The following ALKBH8 variants were observed in gnomAD, a reference collection of about 807,000 sequenced individuals.
The protein encoded by ALKBH8 is alkB homolog 8, tRNA methyltransferase.
Under a neutral mutation model 59.8 loss-of-function variants are expected in ALKBH8, and 36 were observed. The ratio of observed to expected loss-of-function variants is 0.60; its 90% CI spans 0.46 to 0.79. ALKBH8 has a LOEUF of 0.79. ALKBH8 is among the 30% of genes least tolerant of loss of function. The probability of loss-of-function intolerance (pLI) is 0.00; values close to 1 mark genes in which losing one functional copy is unlikely to be tolerated. For missense variants in ALKBH8, 768 were observed against 801.0 expected, an observed-to-expected ratio of 0.96 and a Z score of 0.50; for synonymous variants, 276 against 273.6, an observed-to-expected ratio of 1.01 and a Z score of -0.09.
intron 11 of ALKBH8, 87 bp from the exon 12 acceptor site, chr11:107,505,302 G>A: frequency 4.1e-6 from 4 of 979,192 alleles, no homozygotes; most frequent in Admixed American, 3.0e-5. Flanking sequence ...TTTTCAATTA[G>A]GATGAACAAT....
chr11:107,514,763 C>G (rs1007600442), intron 10 of ALKBH8, among the ~76,000 whole-genome samples: 1 of 151,790 alleles, frequency 6.6e-6, no homozygotes, highest in Non-Finnish European at 1.5e-5. Flanking sequence ...AAGTATGCCC[C>G]AACTCTGAAA....
chr11:107,508,062 T>C (rs1334951412), intron 11 of ALKBH8, among the ~76,000 whole-genome samples: 1 of 152,016 alleles, frequency 6.6e-6, no homozygotes, highest in East Asian at 1.9e-4. Flanking sequence ...AATAAATAAA[T>C]AAATGCTGCC....
In ALKBH8 at chr11:107,552,893, G is replaced by A. The variant is rs74428417; in HGVS notation, c.595+215C>T. Among the ~76,000 whole-genome samples the A allele has an allele frequency of 8.7e-3, 1,329 of 152,218 alleles. 22 individuals carry two copies. Among genetic ancestry groups the A allele is most frequent in the African/African-American group, 0.031 (1,280 of 41,556 alleles). On this transcript the variant is annotated intron_variant, in intron 5 of 11. Transcript: ENST00000428149. ...CATTCAGTAAAATGAGAAGCAGCAT[G>A]GGAATAAGGATAATAATGATGAACT...
intron 8 of ALKBH8, among the ~76,000 whole-genome samples, chr11:107,527,383 C>T (rs596149): frequency 0.49 from 73,727 of 151,684 alleles, 18,737 homozygotes; most frequent in Non-Finnish European, 0.56. Flanking sequence ...TTGTTGATAC[C>T]TCTTTACTAT....
Position 107,565,657 on chromosome 11 carries a change from C to G in ALKBH8, c.-63G>C. On this transcript the variant is annotated 5_prime_UTR_variant, in exon 1 of 12. Coordinates refer to ENST00000428149, the MANE Select transcript of ALKBH8 (RefSeq NM_138775.3). ...TGCGTGTGCCTTCTTCTTTGCCAGC[C>G]TCTCCACTCTAGCACCAGAACACCG... 6.5e-7 allele frequency: 1 copy of G among 1,535,746 alleles called. No individual in the cohort carries two copies. Among genetic ancestry groups the G allele is most frequent in the Non-Finnish European group, 8.7e-7 (1 of 1,146,910 alleles).
At chr11:107,518,563 G>T (rs999655315) in intron 10 of ALKBH8, among the ~76,000 whole-genome samples, 1 of 152,226 alleles carries the variant, frequency 6.6e-6, no homozygotes, top group Non-Finnish European at 1.5e-5. Flanking sequence ...CACCTGGCCC[G>T]CCCAGGGCGG....
chr11:107,545,929 A>G (rs988684527), intron 7 of ALKBH8, among the ~76,000 whole-genome samples: 23 of 152,208 alleles, frequency 1.5e-4, no homozygotes, highest in Admixed American at 3.9e-4. Context: ...GAAGAGAAAA[A>G]TAAAGCAAAT....
At chr11:107,518,334 C>T (rs1043760922) in intron 10 of ALKBH8, among the ~76,000 whole-genome samples, 3 of 152,208 alleles carry the variant, frequency 2.0e-5, no homozygotes, top group Admixed American at 6.5e-5. Flanking sequence ...CTCACTCTGT[C>T]ACCCAGGCTG....
intron 11 of ALKBH8, among the ~76,000 whole-genome samples, chr11:107,508,190 T>G (rs1055749589): frequency 4.6e-5 from 7 of 151,284 alleles, no homozygotes; most frequent in Non-Finnish European, 8.8e-5. Flanking sequence ...TTTTTTTTTT[T>G]TGAGATGGAG....
At chr11:107,525,997 T>C (rs530229617) in intron 8 of ALKBH8, among the ~76,000 whole-genome samples, 1 of 152,124 alleles carries the variant, frequency 6.6e-6, no homozygotes, top group Non-Finnish European at 1.5e-5. Flanking sequence ...TTTTAAAAAT[T>C]AAAAATAACT....
intron 2 of ALKBH8, among the ~76,000 whole-genome samples, chr11:107,559,483 A>G (rs560425302): frequency 6.6e-6 from 1 of 151,914 alleles, no homozygotes; most frequent in Non-Finnish European, 1.5e-5. Flanking sequence ...CAAGCTTCAG[A>G]GGGGTCAAAG....
At chr11:107,528,563 C>T (rs1358374415) in intron 8 of ALKBH8, among the ~76,000 whole-genome samples, 1 of 152,164 alleles carries the variant, frequency 6.6e-6, no homozygotes, top group Non-Finnish European at 1.5e-5. Context: ...TATCTTGAAG[C>T]TCTTGTTAGC....
In ALKBH8 at chr11:107,504,330, T is replaced by A; in HGVS notation, c.*328A>T. On this transcript the variant is annotated 3_prime_UTR_variant, in exon 12 of 12. Transcript: ENST00000428149. ...ATCCCTAAAATCCTACATGATTTAC[T>A]ACATTTAGTAGCACTTTACTAAAAA... is the stretch of plus-strand genomic sequence containing the variant. 1 of 547,502 alleles carries A rather than the reference T, an allele frequency of 1.8e-6. No individual in the cohort carries two copies. Among genetic ancestry groups the A allele is most frequent in the South Asian group, 2.7e-5 (1 of 37,392 alleles). The allele number at this position is 547,502 out of a possible 1,614,324, so 33.9% of individuals were successfully genotyped here. A position where few individuals can be genotyped will look rare whatever the true frequency, so the allele number is the denominator to read the frequency against.
intron 11 of ALKBH8, 54 bp downstream of exon 11, chr11:107,510,833 C>T (rs1862590133): frequency 4.6e-6 from 7 of 1,524,786 alleles, no homozygotes; most frequent in African/African-American, 2.8e-5. Context: ...AATTCATGAA[C>T]TCTTCCTGCT....
intron 10 of ALKBH8, among the ~76,000 whole-genome samples, chr11:107,515,025 A>G (rs959607260): frequency 1.3e-5 from 2 of 152,176 alleles, no homozygotes; most frequent in Non-Finnish European, 2.9e-5. Flanking sequence ...TTTTAGCAAT[A>G]AAGCATCAGA....
chr11:107,553,966 T>A lies in ALKBH8; in HGVS notation c.380A>T (p.Glu127Val). 14 of 1,613,744 alleles carry A rather than the reference T, an allele frequency of 8.7e-6. No individual in the cohort carries two copies. Among genetic ancestry groups the A allele is most frequent in the Non-Finnish European group, 1.2e-5 (14 of 1,179,812 alleles). The change falls in exon 4 of 12, where the codon GAG becomes GTG. Residue 127 changes from glutamate to valine, a missense_variant. Coordinates refer to ENST00000428149, the MANE Select transcript of ALKBH8 (RefSeq NM_138775.3). ...TGGTGGTAAGGCTTGAGGCCTCAAC[T>A]CCTTCCACTGCACTATGGGAAACCA... ...LNFVEKVQWK[E>V]LRPQALPPGL...
In ALKBH8 at chr11:107,553,162, AACCAAAATG is replaced by A; in HGVS notation, c.532_540del (p.His178_Gly180del). On this transcript the variant is annotated inframe_deletion, in exon 5 of 12. Coordinates refer to ENST00000428149, the MANE Select transcript of ALKBH8 (RefSeq NM_138775.3). ...TTGTTGTTCTCATAGTGGAACTCAT[AACCAAAATG>A]CTTTACTCTTCTGTGTTTTAAGGAT... 1 of 1,609,510 alleles carries A rather than the reference AACCAAAATG, an allele frequency of 6.2e-7. No homozygotes were observed. Among genetic ancestry groups the A allele is most frequent in the Middle Eastern group, 1.7e-4 (1 of 6,044 alleles).
At position 107,554,095 on chromosome 11, in the gene ALKBH8, C is replaced by G. The variant is rs775623189; in HGVS notation, c.368-117G>C. On this transcript the variant is annotated intron_variant, in intron 3 of 11. Coordinates refer to ENST00000428149, the MANE Select transcript of ALKBH8 (RefSeq NM_138775.3). ...AACTTCAAATCCTCATTTTCGGAAA[C>G]AAGATTGCTGAAAGGCACCCAACAT... 152 of 1,315,214 alleles carry G rather than the reference C, an allele frequency of 1.2e-4. 1 individual carries two copies. Among genetic ancestry groups the G allele is most frequent in the South Asian group, 7.2e-4 (52 of 72,518 alleles). The allele number at this position is 1,315,214 out of a possible 1,614,324, so 81.5% of individuals were successfully genotyped here. A position where few individuals can be genotyped will look rare whatever the true frequency, so the allele number is the denominator to read the frequency against.
At chr11:107,561,399 GAAATTATAAACACA>G (rs1393385549) in intron 1 of ALKBH8, among the ~76,000 whole-genome samples, 1 of 151,886 alleles carries the variant, frequency 6.6e-6, no homozygotes, top group East Asian at 1.9e-4. Context: ...AAAAAGCAAG[GAAATTATAAACACA>G]AAATTCAGGA....
Sources: gnomAD v4.1 joint callset for allele counts (sites outside exome capture counted in the v4.1 genomes callset) on GRCh38, gnomAD v4.1.1 for gene constraint, MANE v1.5 for transcripts, NCBI Gene and HGNC (gene_info 2026-07-23, HGNC 2026-07-21) for gene names.